THSD4: variants seen among roughly 807,000 people sequenced by gnomAD.
THSD4 encodes the protein thrombospondin type 1 domain containing 4.
In THSD4, 69 loss-of-function variants were observed where a neutral mutation model predicts 119.0. That is an observed-to-expected ratio of 0.58 (90% CI 0.48 to 0.71). The LOEUF (loss-of-function observed/expected upper bound fraction) is 0.71. Among genes scored for constraint, THSD4 ranks in the 30% least tolerant of loss-of-function variants. THSD4 has a pLI of 0.00. For synonymous variants in THSD4, 524 were observed against 540.4 expected, an observed-to-expected ratio of 0.97 and a Z score of 0.42; for missense variants, 1,393 against 1,391.1, an observed-to-expected ratio of 1.00 and a Z score of -0.02.
intron 8 of THSD4, among the ~76,000 whole-genome samples, chr15:71,685,941 T>A (rs1204832091): frequency 6.6e-6 from 1 of 152,188 alleles, no homozygotes; most frequent in African/African-American, 2.4e-5. Context: ...TCCAAGTAAA[T>A]GGAAATATAT....
chr15:71,475,584 G>A (rs559199275), intron 7 of THSD4, among the ~76,000 whole-genome samples: 1 of 152,106 alleles, frequency 6.6e-6, no homozygotes, highest in Non-Finnish European at 1.5e-5. Flanking sequence ...TGCTGCTGCT[G>A]GTCCAAGGAC....
chr15:71,227,159 C>G (rs1031844251), intron 4 of THSD4, among the ~76,000 whole-genome samples: 3 of 152,220 alleles, frequency 2.0e-5, no homozygotes, highest in African/African-American at 7.2e-5. Context: ...TTGAGTTACT[C>G]TGATCTCAGA....
chr15:71,768,256 A>G (rs1049708354), intron 16 of THSD4, among the ~76,000 whole-genome samples: 5 of 138,216 alleles, frequency 3.6e-5, no homozygotes, highest in Admixed American at 1.5e-4. Context: ...AGCCCCCCGG[A>G]AGTAGTCTCA....
At position 71,590,208 on chromosome 15, in the gene THSD4, TTGTC is replaced by T. The variant is rs2049767335; in HGVS notation, c.1153-70319_1153-70316del. ...GTGTTTGTGGTGTCATTCCCTATCTTTGTCTGAAGACTTGAAATATTCCGTAATA... is the reference window on the plus strand; with the variant it reads ...GTGTTTGTGGTGTCATTCCCTATCTTTGAAGACTTGAAATATTCCGTAATA... On this transcript the variant is annotated intron_variant, in intron 7 of 17. Transcript: ENST00000261862. Among the ~76,000 whole-genome samples, 2 of 134,826 alleles carry T rather than the reference TTGTC, an allele frequency of 1.5e-5. 1 individual carries two copies. The highest frequency in any genetic ancestry group is 1.5e-4 in the Admixed American group (2 of 13,670). 88.5% of individuals were successfully genotyped at this position (134,826 alleles called of 152,430 possible).
rs568037898 is a variant in THSD4, at chr15:71,419,061, C to G, written c.1152+7238C>G. Reference sequence around the variant, plus strand: ...GATTTTATTTATTTGAGTCTTCTCTCTTTCTTAGTCTGGGTAAAGGTTTGT... The same window carrying G: ...GATTTTATTTATTTGAGTCTTCTCTGTTTCTTAGTCTGGGTAAAGGTTTGT... On this transcript the variant is annotated intron_variant, in intron 7 of 17. Transcript: ENST00000261862. Among the ~76,000 whole-genome samples the G allele has an allele frequency of 5.6e-5, 6 of 107,920 alleles. 1 individual carries two copies. In the East Asian group the frequency reaches 1.8e-3, roughly 33 times the overall value. 70.8% of individuals were successfully genotyped at this position (107,920 alleles called of 152,430 possible).
intron 7 of THSD4, among the ~76,000 whole-genome samples, chr15:71,451,189 AG>A (rs905085090): frequency 2.6e-5 from 4 of 152,184 alleles, no homozygotes; most frequent in South Asian, 2.1e-4. Flanking sequence ...AAGAAAAAAA[AG>A]GGAGGCTTCT....
intron 6 of THSD4, among the ~76,000 whole-genome samples, chr15:71,389,111 CTT>C (rs2046335373): frequency 6.6e-6 from 1 of 152,158 alleles, no homozygotes; most frequent in Non-Finnish European, 1.5e-5. Flanking sequence ...ACCTCTTTGT[CTT>C]TATAAATTAC....
At chr15:71,271,828 T>TACA (rs1383277851) in intron 6 of THSD4, among the ~76,000 whole-genome samples, 5 of 152,148 alleles carry the variant, frequency 3.3e-5, no homozygotes, top group Non-Finnish European at 7.3e-5. Context: ...GTATCAACTA[T>TACA]ACAACTACTA....
Position 71,446,380 on chromosome 15 carries a change from C to A in THSD4, c.1152+34557C>A, listed in dbSNP as rs182828769. ...AATAGGAATCAAAATGTGTCACTCT[C>A]CTGTAAAACTTCCAGTAATTCCTCC... On this transcript the variant is annotated intron_variant, in intron 7 of 17. Coordinates refer to ENST00000261862, the MANE Select transcript of THSD4 (RefSeq NM_024817.3). 5.1e-4 allele frequency among the ~76,000 whole-genome samples: 78 copies of A among 152,322 alleles called. 2 individuals carry two copies. In the East Asian group the frequency reaches 0.014, roughly 27 times the overall value.
At chr15:71,354,447 C>T (rs2045782716) in intron 6 of THSD4, among the ~76,000 whole-genome samples, 1 of 152,116 alleles carries the variant, frequency 6.6e-6, no homozygotes, top group African/African-American at 2.4e-5. Flanking sequence ...ACTGAGAAGC[C>T]ATCTTTGTTT....
At chr15:71,345,931 G>A (rs1413047288) in intron 6 of THSD4, among the ~76,000 whole-genome samples, 2 of 151,834 alleles carry the variant, frequency 1.3e-5, no homozygotes, top group Non-Finnish European at 2.9e-5. Context: ...CACTCCCCCA[G>A]GTTTCCTGTA....
chr15:71,364,492 T>C (rs2045930842), intron 6 of THSD4, among the ~76,000 whole-genome samples: 1 of 152,186 alleles, frequency 6.6e-6, no homozygotes, highest in South Asian at 2.1e-4. Flanking sequence ...CTTCACCTGT[T>C]CAAATGCGGA....
At chr15:71,658,042 T>TAAG (rs1459070801) in intron 7 of THSD4, among the ~76,000 whole-genome samples, 11 of 152,196 alleles carry the variant, frequency 7.2e-5, no homozygotes, top group Admixed American at 6.5e-4. Flanking sequence ...TTGAAATATC[T>TAAG]CTGACACCCT....
At position 71,551,811 on chromosome 15, in the gene THSD4, A is replaced by T. The variant is rs1040497045; in HGVS notation, c.1153-108719A>T. ...ATGCACACCCTCTGCCTGCCAGCTA[A>T]CAAAATTCCAGACTCCCACAAGGAA... is the stretch of plus-strand genomic sequence containing the variant. On this transcript the variant is annotated intron_variant, in intron 7 of 17. Coordinates refer to ENST00000261862, the MANE Select transcript of THSD4 (RefSeq NM_024817.3). Among the ~76,000 whole-genome samples the T allele has an allele frequency of 2.0e-5, 3 of 152,298 alleles. No individual in the cohort carries two copies. In the South Asian group the frequency reaches 6.2e-4, roughly 32 times the overall value.
chr15:71,370,778 C>A (rs1266025496), intron 6 of THSD4, among the ~76,000 whole-genome samples: 1 of 152,174 alleles, frequency 6.6e-6, no homozygotes, highest in African/African-American at 2.4e-5. Context: ...GTGGAGAGTT[C>A]TGTAGATGTC....
intron 7 of THSD4, among the ~76,000 whole-genome samples, chr15:71,556,143 T>C (rs1375708713): frequency 6.6e-6 from 1 of 152,238 alleles, no homozygotes; most frequent in Non-Finnish European, 1.5e-5. Flanking sequence ...CTTATGAAAT[T>C]TGAAATTATC....
At chr15:71,360,311 A>T (rs1254302314) in intron 6 of THSD4, among the ~76,000 whole-genome samples, 1 of 152,148 alleles carries the variant, frequency 6.6e-6, no homozygotes, top group Non-Finnish European at 1.5e-5. Flanking sequence ...AGGGTTTCTT[A>T]TGACCTAGCT....
At chr15:71,479,180 CTTTTTTT>C (rs5813637) in intron 7 of THSD4, among the ~76,000 whole-genome samples, 40 of 80,146 alleles carry the variant, frequency 5.0e-4, no homozygotes, top group African/African-American at 1.7e-3. Flanking sequence ...TTTCTTCTGC[CTTTTTTT>C]TTTTTTTTTT....
At chr15:71,393,424 C>T (rs1041714841) in intron 6 of THSD4, among the ~76,000 whole-genome samples, 3 of 152,036 alleles carry the variant, frequency 2.0e-5, no homozygotes, top group African/African-American at 7.2e-5. Context: ...AATGAGCCTT[C>T]ATGCAGGAAT....
Sources: allele counts gnomAD v4.1 joint callset (sites outside exome capture counted in the v4.1 genomes callset), GRCh38; gene constraint gnomAD v4.1.1; transcripts MANE v1.5; gene names NCBI Gene and HGNC (gene_info 2026-07-23, HGNC 2026-07-21).